DOCK10: variants seen among roughly 807,000 people sequenced by gnomAD.
The protein encoded by DOCK10 is dedicator of cytokinesis 10.
Under a neutral mutation model 280.1 loss-of-function variants are expected in DOCK10, and 145 were observed. That is an observed-to-expected ratio of 0.52 (90% CI 0.45 to 0.59). The LOEUF is 0.59. DOCK10 is among the 20% of genes least tolerant of loss of function. The pLI is 0.00. For missense variants in DOCK10, 2,368 were observed against 2,651.7 expected, an observed-to-expected ratio of 0.89 and a Z score of 2.35; for synonymous variants, 915 against 942.2, an observed-to-expected ratio of 0.97 and a Z score of 0.53.
intron 1 of DOCK10, among the ~76,000 whole-genome samples, chr2:225,004,255 T>A (rs1017287893): frequency 6.6e-6 from 1 of 152,184 alleles, no homozygotes; most frequent in Non-Finnish European, 1.5e-5. Context: ...TCTTATGAGA[T>A]AGCAGAGGAA....
chr2:224,993,504 C>T (rs1466363746), intron 1 of DOCK10, among the ~76,000 whole-genome samples: 1 of 152,192 alleles, frequency 6.6e-6, no homozygotes, highest in African/African-American at 2.4e-5. Flanking sequence ...CTGTGCCTTC[C>T]ATTGCAGGGT....
chr2:224,832,358 A>G (rs979858731), intron 26 of DOCK10, among the ~76,000 whole-genome samples: 10 of 152,166 alleles, frequency 6.6e-5, no homozygotes, highest in Non-Finnish European at 1.2e-4. Context: ...GGGATCACAT[A>G]TGGTCACCAC....
chr2:224,834,344 T>C (rs146081971), intron 25 of DOCK10, 81 bp from the exon 26 acceptor site: 10 of 836,488 alleles, frequency 1.2e-5, no homozygotes, highest in Non-Finnish European at 2.0e-5. Flanking sequence ...GAATAACTTA[T>C]GTCTCTAAAT....
At chr2:224,821,134 A>C (rs954043663) in intron 28 of DOCK10, among the ~76,000 whole-genome samples, 1 of 152,250 alleles carries the variant, frequency 6.6e-6, no homozygotes, top group Non-Finnish European at 1.5e-5. Context: ...TGCTGAAAAA[A>C]TATTACTTTC....
intron 1 of DOCK10, among the ~76,000 whole-genome samples, chr2:224,954,747 A>C (rs1703946623): frequency 6.6e-6 from 1 of 152,258 alleles, no homozygotes; most frequent in African/African-American, 2.4e-5. Flanking sequence ...CTCTTTACAA[A>C]GGCATGCAGC....
At chr2:224,953,669 A>C (rs1231443047) in intron 1 of DOCK10, among the ~76,000 whole-genome samples, 1 of 152,190 alleles carries the variant, frequency 6.6e-6, no homozygotes, top group East Asian at 1.9e-4. Context: ...AAAGTGGACA[A>C]TGTCTGTGAA....
At chr2:224,968,245 T>C (rs1291670817) in intron 1 of DOCK10, among the ~76,000 whole-genome samples, 1 of 152,180 alleles carries the variant, frequency 6.6e-6, no homozygotes, top group Non-Finnish European at 1.5e-5. Flanking sequence ...ACCGAAATAA[T>C]TCCCATGTGG....
In DOCK10 at chr2:225,017,972, C is replaced by G. The variant is rs973397615; in HGVS notation, c.123+24280G>C. Among the ~76,000 whole-genome samples the G allele has an allele frequency of 2.0e-5, 3 of 152,288 alleles. No individual in the cohort carries two copies. In the East Asian group the frequency reaches 5.8e-4, roughly 29 times the overall value. ...CTGGTTGCCAGCCCCCATTCCCTGCCTCTCCAAATCAGTAACTCTCCTGGA... is the reference window on the plus strand; with the variant it reads ...CTGGTTGCCAGCCCCCATTCCCTGCGTCTCCAAATCAGTAACTCTCCTGGA... On this transcript the variant is annotated intron_variant, in intron 1 of 55. Transcript: ENST00000258390.
chr2:224,993,742 G>T (rs1343780223), intron 1 of DOCK10, among the ~76,000 whole-genome samples: 1 of 152,106 alleles, frequency 6.6e-6, no homozygotes, highest in African/African-American at 2.4e-5. Context: ...ACCCAATGTG[G>T]CCAAGCTGAC....
intron 1 of DOCK10, among the ~76,000 whole-genome samples, chr2:224,946,448 C>A (rs1703425009): frequency 6.6e-6 from 1 of 152,038 alleles, no homozygotes; most frequent in Non-Finnish European, 1.5e-5. Flanking sequence ...TAAAATAGAG[C>A]AATGACAATT....
rs537398701 is a variant in DOCK10, at chr2:224,879,946, C to A, written c.748-3725G>T. 3.3e-5 allele frequency among the ~76,000 whole-genome samples: 5 copies of A among 152,008 alleles called. No individual in the cohort carries two copies. The South Asian group carries it at 1.0e-3, about 32-fold the overall frequency. On this transcript the variant is annotated intron_variant, in intron 7 of 55. Transcript: ENST00000258390. ...AATTTGAGTGATGAATTTGATGCTG[C>A]AAATAATGTTAAAAGGGAGATAAAA...
At chr2:224,911,989 A>G (rs1210929604) in intron 3 of DOCK10, among the ~76,000 whole-genome samples, 4 of 152,154 alleles carry the variant, frequency 2.6e-5, no homozygotes, top group African/African-American at 9.7e-5. Context: ...TTCATCAGCA[A>G]ACTAAAACAA....
chr2:224,941,258 A>G (rs994425372), intron 1 of DOCK10, among the ~76,000 whole-genome samples: 9 of 151,618 alleles, frequency 5.9e-5, no homozygotes, highest in African/African-American at 2.2e-4. Flanking sequence ...CTTGGCTGCA[A>G]GTTGATGGGA....
At chr2:224,915,403 CTTTTTTCTATCTCCTTAAAAGGTA>C (rs1701249457) in intron 3 of DOCK10, among the ~76,000 whole-genome samples, 1 of 151,978 alleles carries the variant, frequency 6.6e-6, no homozygotes, top group Admixed American at 6.6e-5. Flanking sequence ...TGCATTTTTT[CTTTTTTCTATCTCCTTAAAAGGTA>C]TTGTAATGCA....
At chr2:224,938,583 C>A (rs367652551) in intron 1 of DOCK10, among the ~76,000 whole-genome samples, 1 of 152,104 alleles carries the variant, frequency 6.6e-6, no homozygotes, top group African/African-American at 2.4e-5. Context: ...CAGCTGTTAA[C>A]CAATTTCAGT....
chr2:224,873,461 T>C (rs1446707832), intron 11 of DOCK10, among the ~76,000 whole-genome samples: 2 of 151,912 alleles, frequency 1.3e-5, no homozygotes, highest in African/African-American at 2.4e-5. Flanking sequence ...TGCGTGCCTG[T>C]AGTCCATTAC....
chr2:224,996,769 G>C (rs1706283429), intron 1 of DOCK10, among the ~76,000 whole-genome samples: 1 of 152,230 alleles, frequency 6.6e-6, no homozygotes, highest in Non-Finnish European at 1.5e-5. Context: ...TTTCGAACTT[G>C]ACTCTGCAGG....
rs572497710 is a variant in DOCK10 at position 224,865,865 on chromosome 2, ACACACACT to A, written c.1258-786_1258-779del. ...CTCTCTCTCTCTCTCTCACACACAC[ACACACACT>A]CTCTCTCTCTCTCTTACACACATAC... On this transcript the variant is annotated intron_variant, in intron 11 of 55. Transcript: ENST00000258390. 4.8e-3 allele frequency among the ~76,000 whole-genome samples: 733 copies of A among 151,268 alleles called. 2 individuals are homozygous for A. Among genetic ancestry groups the A allele is most frequent in the African/African-American group, 0.017 (693 of 40,926 alleles).
At chr2:224,984,211 G>A (rs545672734) in intron 1 of DOCK10, among the ~76,000 whole-genome samples, 1 of 152,216 alleles carries the variant, frequency 6.6e-6, no homozygotes, top group African/African-American at 2.4e-5. Context: ...AGCTGGAAAC[G>A]CTTAAATAGT....
Sources: gnomAD v4.1 joint callset for allele counts (sites outside exome capture counted in the v4.1 genomes callset) on GRCh38, gnomAD v4.1.1 for gene constraint, MANE v1.5 for transcripts, NCBI Gene and HGNC (gene_info 2026-07-23, HGNC 2026-07-21) for gene names.